SMYD3: variants seen among roughly 807,000 people sequenced by gnomAD.
The protein encoded by SMYD3 is SET and MYND domain containing 3.
In SMYD3, 36 loss-of-function variants were observed where a neutral mutation model predicts 57.7. The ratio of observed to expected loss-of-function variants is 0.62; its 90% confidence interval spans 0.48 to 0.82. The LOEUF is 0.82. SMYD3 is among the 40% of genes least tolerant of loss of function. SMYD3 has a pLI of 0.00. For synonymous variants in SMYD3, 211 were observed against 195.0 expected (o/e 1.08, Z -0.68); for missense variants, 515 against 538.8 (o/e 0.96, Z 0.44).
intron 5 of SMYD3, among the ~76,000 whole-genome samples, chr1:246,144,444 T>G (rs2148127801): frequency 6.6e-6 from 1 of 152,340 alleles, no homozygotes; most frequent in Middle Eastern, 3.4e-3. Flanking sequence ...GCAGCTGAAC[T>G]TGATTAATTA....
chr1:245,812,587 C>T (rs944247270), intron 10 of SMYD3, among the ~76,000 whole-genome samples: 2 of 151,818 alleles, frequency 1.3e-5, no homozygotes, highest in Non-Finnish European at 2.9e-5. Context: ...CGTGAAAACA[C>T]ACCTGGATGC....
At chr1:245,817,868 G>A (rs370870955) in intron 10 of SMYD3, among the ~76,000 whole-genome samples, 9,303 of 151,702 alleles carry the variant, frequency 0.061, 548 homozygotes, top group East Asian at 0.17. Context: ...AAAGAAATGA[G>A]CAACGCCTCC....
At chr1:246,147,320 G>A (rs570042276) in intron 5 of SMYD3, among the ~76,000 whole-genome samples, 2 of 152,314 alleles carry the variant, frequency 1.3e-5, no homozygotes, top group Non-Finnish European at 2.9e-5. Context: ...CATGTCAGGA[G>A]CCATAGGTCC....
At chr1:245,916,988 TG>T (rs59902839) in intron 7 of SMYD3, among the ~76,000 whole-genome samples, 9,159 of 151,254 alleles carry the variant, frequency 0.061, 547 homozygotes, top group African/African-American at 0.14. Flanking sequence ...TTTACTAATT[TG>T]GTAAGGGTAA....
intron 1 of SMYD3, among the ~76,000 whole-genome samples, chr1:246,365,090 T>C (rs2066075780): frequency 6.6e-6 from 1 of 152,130 alleles, no homozygotes; most frequent in Non-Finnish European, 1.5e-5. Flanking sequence ...ACATACAAAG[T>C]AACCAATATA....
intron 1 of SMYD3, among the ~76,000 whole-genome samples, chr1:246,438,017 G>A (rs1465847755): frequency 6.6e-6 from 1 of 151,986 alleles, no homozygotes; most frequent in Non-Finnish European, 1.5e-5. Flanking sequence ...AAATCTCTTG[G>A]GAGATTACTA....
rs188112881 is a variant in SMYD3 at position 245,881,098 on chromosome 1, A to T, written c.814-17212T>A. Among the ~76,000 whole-genome samples the T allele has an allele frequency of 1.3e-4, 20 of 152,278 alleles. No homozygotes were observed. In the South Asian group the frequency reaches 3.7e-3, roughly 28 times the overall value. On this transcript the variant is annotated intron_variant, in intron 8 of 11. Transcript: ENST00000490107. ...ATTTGTTCATTATAAAAATATACAG[A>T]TCTCCAACAGGATAATGGGGATATT... is the stretch of plus-strand genomic sequence containing the variant.
intron 8 of SMYD3, among the ~76,000 whole-genome samples, chr1:245,866,116 C>G (rs1332380398): frequency 6.6e-6 from 1 of 152,198 alleles, no homozygotes; most frequent in African/African-American, 2.4e-5. Flanking sequence ...CAGAGTCAGT[C>G]TGTGTTTTTG....
chr1:245,953,092 A>G, intron 5 of SMYD3: 1 of 589,042 alleles, frequency 1.7e-6, no homozygotes, highest in Non-Finnish European at 2.2e-6. Flanking sequence ...GAAATCCCCA[A>G]AACATTCCAG....
intron 5 of SMYD3, among the ~76,000 whole-genome samples, chr1:245,936,143 C>T (rs936865922): frequency 2.6e-5 from 4 of 152,016 alleles, no homozygotes; most frequent in African/African-American, 9.7e-5. Flanking sequence ...TAAATATATA[C>T]AATTGTTATT....
chr1:246,430,441 G>C (rs2067279347), intron 1 of SMYD3, among the ~76,000 whole-genome samples: 1 of 152,224 alleles, frequency 6.6e-6, no homozygotes, highest in Non-Finnish European at 1.5e-5. Flanking sequence ...AGTTGAACTA[G>C]AGCGAAGGCC....
At chr1:246,018,937 G>A (rs980634004) in intron 5 of SMYD3, among the ~76,000 whole-genome samples, 15 of 152,162 alleles carry the variant, frequency 9.9e-5, no homozygotes, top group Non-Finnish European at 2.9e-5. Context: ...CTGTATGTGT[G>A]TTAAAGGTAT....
chr1:246,338,034 C>T (rs1184769630), intron 2 of SMYD3, among the ~76,000 whole-genome samples: 4 of 152,116 alleles, frequency 2.6e-5, no homozygotes, highest in African/African-American at 9.7e-5. Context: ...TAGATCATTG[C>T]CTGAAAACAT....
At chr1:246,487,135 T>A (rs1220258075) in intron 1 of SMYD3, among the ~76,000 whole-genome samples, 2 of 152,142 alleles carry the variant, frequency 1.3e-5, no homozygotes, top group East Asian at 3.9e-4. Flanking sequence ...AAAAAGTATT[T>A]AATAATTACT....
intron 5 of SMYD3, among the ~76,000 whole-genome samples, chr1:245,978,362 G>A (rs575244806): frequency 2.0e-5 from 3 of 152,266 alleles, no homozygotes; most frequent in African/African-American, 7.2e-5. Context: ...AAACTCAGTA[G>A]AAATTAACCA....
intron 1 of SMYD3, among the ~76,000 whole-genome samples, chr1:246,422,170 A>C (rs2067153355): frequency 6.6e-6 from 1 of 152,206 alleles, no homozygotes. Context: ...ACTAGGGCAA[A>C]GATTTTTGCA....
At position 245,858,808 on chromosome 1, in the gene SMYD3, G is replaced by C. The variant is rs1168808925; in HGVS notation, c.902-138C>G. 1.3e-5 allele frequency: 11 copies of C among 826,248 alleles called. No homozygotes were observed. The Admixed American group carries it at 1.8e-4, about 13-fold the overall frequency. 51.2% of individuals were successfully genotyped at this position (826,248 alleles called of 1,614,324 possible). A position where few individuals can be genotyped will look rare whatever the true frequency, so the allele number is the denominator to read the frequency against. ...GTTATTTTTCACAGATGAGCTGCCT[G>C]AAAACACACTTGAGAAGCAAAAGCA... On this transcript the variant is annotated intron_variant, in intron 9 of 11. Coordinates refer to ENST00000490107, the MANE Select transcript of SMYD3 (RefSeq NM_001167740.2).
chr1:246,184,998 C>T (rs1303181906), intron 5 of SMYD3, among the ~76,000 whole-genome samples: 2 of 152,186 alleles, frequency 1.3e-5, no homozygotes, highest in Non-Finnish European at 2.9e-5. Flanking sequence ...TTGTTTCTTA[C>T]ATTTCCTAAT....
At chr1:245,952,672 T>C (rs990922095) in intron 5 of SMYD3, among the ~76,000 whole-genome samples, 10 of 152,208 alleles carry the variant, frequency 6.6e-5, no homozygotes, top group African/African-American at 1.9e-4. Context: ...ACCCTACTCT[T>C]AGCAGGTCTC....
Sources: allele counts gnomAD v4.1 joint callset (sites outside exome capture counted in the v4.1 genomes callset), GRCh38; gene constraint gnomAD v4.1.1; transcripts MANE v1.5; gene names NCBI Gene and HGNC (gene_info 2026-07-23, HGNC 2026-07-21).